The following SIGLEC12 variants were observed in gnomAD, a reference collection of about 807,000 sequenced individuals.
SIGLEC12 encodes the protein sialic acid binding Ig like lectin 12.
Under a neutral mutation model 54.1 loss-of-function variants are expected in SIGLEC12, and 43 were observed. The ratio of observed to expected loss-of-function variants is 0.80; its 90% confidence interval spans 0.62 to 1.03. The LOEUF (loss-of-function observed/expected upper bound fraction) is 1.03, where lower values mean the gene tolerates loss of function less well. SIGLEC12 is among the 50% of genes least tolerant of loss of function. The pLI is 0.00. For synonymous variants in SIGLEC12, 357 were observed against 307.6 expected (o/e 1.16, Z -1.68); for missense variants, 802 against 735.2 (o/e 1.09, Z -1.05).
In SIGLEC12 at chr19:51,496,869, T is replaced by C; in HGVS notation, c.1599+11A>G. ...GCAGGGGAGAAGGGCTGTGATTCAA[T>C]GCTCACTCACCTGAGAGGCTGAGCC... On this transcript the variant is annotated intron_variant, in intron 7 of 7. Transcript: ENST00000291707. 1 of 1,607,132 alleles carries C rather than the reference T, an allele frequency of 6.2e-7. No homozygotes were observed. The highest frequency in any genetic ancestry group is 8.5e-7 in the Non-Finnish European group (1 of 1,173,502).
rs749096095 is a variant in SIGLEC12, at chr19:51,496,990, C to A, written c.1503-14G>T. 1 of 1,612,780 alleles carries A rather than the reference C, an allele frequency of 6.2e-7. No homozygotes were observed. The highest frequency in any genetic ancestry group is 1.1e-5 in the South Asian group (1 of 91,010). On this transcript the variant is annotated splice_polypyrimidine_tract_variant and intron_variant, in intron 6 of 7. Transcript: ENST00000291707. ...CAGGACCTCACTCTGAGTGAAGAGA[C>A]CAGAGAGCCTTTCAGTGTGGTCAGA...
chr19:51,497,977 G>A lies in SIGLEC12; in HGVS notation c.1405+41C>T. The A allele has an allele frequency of 3.1e-6, 5 of 1,608,814 alleles. No homozygotes were observed. The South Asian group carries it at 4.4e-5, about 14-fold the overall frequency. On this transcript the variant is annotated intron_variant, in intron 5 of 7. Coordinates refer to ENST00000291707, the MANE Select transcript of SIGLEC12 (RefSeq NM_053003.4). ...GTCTCCCAGCTGGACCCTGAGGGTG[G>A]GACATGTGTGTTCTCCTCCTCCAGA...
At chr19:51,496,084 A>G (rs1234456251) in intron 7 of SIGLEC12, among the ~76,000 whole-genome samples, 2 of 152,372 alleles carry the variant, frequency 1.3e-5, no homozygotes, top group East Asian at 3.9e-4. Context: ...GCCCTTACCC[A>G]GAGCACAAAA....
chr19:51,500,362 G>A, intron 1 of SIGLEC12, 62 bp from the exon 2 acceptor site: 1 of 1,613,530 alleles, frequency 6.2e-7, no homozygotes, highest in South Asian at 1.1e-5. Flanking sequence ...CCCATAGCAG[G>A]GGCAGCAGCA....
chr19:51,499,977 C>G lies in SIGLEC12; in HGVS notation c.751G>C (p.Glu251Gln). The stretch of plus-strand genomic sequence containing the variant: ...TAGTTCCATTTCCTGCTTCCTCTCT[C>G]CACCTGGAAGTAGTACTTCCCTGAA... ...GDSGKYYFQV[E>Q]RGSRKWNYIY... Residue 251 changes from glutamate (E) to glutamine (Q), a missense_variant, in exon 2 of 8, where the codon GAG becomes CAG. Physicochemically the swap from Glu to Gln is conservative, Grantham distance 29. Transcript: ENST00000291707. 6.2e-7 allele frequency: 1 copy of G among 1,614,140 alleles called. No individual in the cohort carries two copies.
intron 7 of SIGLEC12, 85 bp downstream of exon 7, chr19:51,496,795 G>A (rs1990250504): frequency 6.0e-6 from 9 of 1,493,292 alleles, no homozygotes; most frequent in South Asian, 1.1e-5. Flanking sequence ...GGGGAAGAAA[G>A]GAAGGACAGT....
In SIGLEC12 at chr19:51,498,021, T is replaced by C. The variant is rs1990286095; in HGVS notation, c.1402A>G (p.Thr468Ala). The C allele has an allele frequency of 3.1e-6, 5 of 1,614,210 alleles. No individual in the cohort carries two copies. Among genetic ancestry groups the C allele is most frequent in the Non-Finnish European group, 4.2e-6 (5 of 1,180,014 alleles). ...CTCCAGACCCTCCCCTACCCACCTG[T>C]GTACTCGTTTTGCAGGGAGAGGCTC... ...SLSLSLQNEY[T>A]GKMRPISGVT... The change falls in exon 5 of 8, where the codon ACA (threonine) becomes GCA (alanine). Residue 468 changes from threonine to alanine, a missense_variant. Transcript: ENST00000291707.
Position 51,491,440 on chromosome 19 carries a change from C to T in SIGLEC12, c.*201G>A, listed in dbSNP as rs1351022676. The T allele has an allele frequency of 9.0e-6, 5 of 558,222 alleles. No homozygotes were observed. Among genetic ancestry groups the T allele is most frequent in the Non-Finnish European group, 1.6e-5 (5 of 315,666 alleles). 34.6% of individuals were successfully genotyped at this position (558,222 alleles called of 1,614,324 possible). ...GAAGAGAATGGTGGGTACCAGAGGC[C>T]GGGGGCGGGGAGTGTGGACCGATTG... On this transcript the variant is annotated 3_prime_UTR_variant, in exon 8 of 8. Coordinates refer to ENST00000291707, the MANE Select transcript of SIGLEC12 (RefSeq NM_053003.4).
At chr19:51,494,452 CA>C (rs1480563616) in intron 7 of SIGLEC12, among the ~76,000 whole-genome samples, 3 of 152,104 alleles carry the variant, frequency 2.0e-5, no homozygotes, top group African/African-American at 7.2e-5. Context: ...AAACGAAAAC[CA>C]AAAAGTAACA....
chr19:51,491,787 G>A lies in SIGLEC12; in HGVS notation c.1642C>T (p.His548Tyr). ...ESPADDSPPH[H>Y]APPALATPSP... ...GGGGTGGCCAGGGCTGGCGGAGCAT[G>A]GTGTGGGGGGCTGTCATCTGCCGGG... The change falls in exon 8 of 8, where the codon CAT (histidine) becomes TAT (tyrosine). Residue 548 changes from histidine (H) to tyrosine (Y), a missense_variant. His to Tyr is a moderately conservative substitution (Grantham distance 83, BLOSUM62 2). Coordinates refer to ENST00000291707, the MANE Select transcript of SIGLEC12 (RefSeq NM_053003.4). The A allele has an allele frequency of 6.3e-7, 1 of 1,599,830 alleles. No homozygotes were observed. The highest frequency in any genetic ancestry group is 8.5e-7 in the Non-Finnish European group (1 of 1,173,264).
rs1339199152 is a variant in SIGLEC12 at position 51,501,725 on chromosome 19, C to A, written c.9G>T (p.Leu3=). 6.2e-7 allele frequency: 1 copy of A among 1,604,426 alleles called. No homozygotes were observed. Among genetic ancestry groups the A allele is most frequent in the Non-Finnish European group, 8.5e-7 (1 of 1,173,586 alleles). The change falls in exon 1 of 8, where the codon CTG becomes CTT. Residue 3 remains leucine, a synonymous_variant. Coordinates refer to ENST00000291707, the MANE Select transcript of SIGLEC12 (RefSeq NM_053003.4). ...GCAGGGGTGGCAGCAGTAGCAGCAG[C>A]AGTAGCATGTGTCGGGTTGGAGGTG... is the stretch of plus-strand genomic sequence containing the variant. ML[L]LLLLLPPLLC...
In SIGLEC12 at chr19:51,501,673, G is replaced by C; in HGVS notation, c.61C>G (p.Gln21Glu). The change falls in exon 1 of 8, where the codon CAG becomes GAG. Residue 21 changes from glutamine (Q) to glutamate (E), a missense_variant. By Grantham distance (29) the Gln-to-Glu change is conservative. Coordinates refer to ENST00000291707, the MANE Select transcript of SIGLEC12 (RefSeq NM_053003.4). ...LLCGRVGAKE[Q>E]KDYLLTMQKS... ...TGCATTGTCAGCAGGTAATCCTTCT[G>C]TTCCTTAGCCCCCACTCTCCCACAG... 1.9e-6 allele frequency: 3 copies of C among 1,614,070 alleles called. No homozygotes were observed. Among genetic ancestry groups the C allele is most frequent in the South Asian group, 1.1e-5 (1 of 91,088 alleles).
intron 6 of SIGLEC12, 83 bp from the exon 7 acceptor site, chr19:51,497,059 T>C (rs776312972): frequency 2.2e-4 from 360 of 1,606,132 alleles, no homozygotes; most frequent in Non-Finnish European, 2.8e-4. Context: ...GTATTTCCTA[T>C]TGGGGAGCTG....
chr19:51,500,470 G>A (rs772124794), intron 1 of SIGLEC12, 170 bp from the exon 2 acceptor site: 20 of 1,193,456 alleles, frequency 1.7e-5, no homozygotes, highest in Non-Finnish European at 2.4e-5. Context: ...CTGGAGAGGA[G>A]CTGGAGACCT....
At chr19:51,499,141 C>T (rs1242593837) in intron 4 of SIGLEC12, 29 bp downstream of exon 4, 1 of 1,613,076 alleles carries the variant, frequency 6.2e-7, no homozygotes, top group Non-Finnish European at 8.5e-7. Flanking sequence ...CTCTGCTCCT[C>T]CAGCCCCAGG....
rs1990116031 is a variant in SIGLEC12, at chr19:51,491,970, T to C, written c.1600-141A>G. ...CTGAAATCTCTTTAATACGTTCCTC[T>C]AATGTCTAATACTCAATTATCACCT... On this transcript the variant is annotated intron_variant, in intron 7 of 7. Transcript: ENST00000291707. 5.3e-6 allele frequency: 3 copies of C among 569,266 alleles called. No homozygotes were observed. The South Asian group carries it at 8.2e-5, about 16-fold the overall frequency. 35.3% of individuals were successfully genotyped at this position (569,266 alleles called of 1,614,324 possible). A position where few individuals can be genotyped will look rare whatever the true frequency, so the allele number is the denominator to read the frequency against.
At position 51,501,502 on chromosome 19, in the gene SIGLEC12, T is replaced by G; in HGVS notation, c.232A>C (p.Thr78Pro). Residue 78 changes from threonine to proline, a missense_variant, in exon 1 of 8, where the codon ACA (threonine) becomes CCA (proline). Transcript: ENST00000291707. ...TGCACTGCTCGAGCTGGGTTGTTTG[T>G]GGCCACTGGAATGTTCCGGCTTACA... The part of the protein sequence containing the change: ...DHVSRNIPVA[T>P]NNPARAVQEE... 1 of 1,611,524 alleles carries G rather than the reference T, an allele frequency of 6.2e-7. No homozygotes were observed. The highest frequency in any genetic ancestry group is 1.1e-5 in the South Asian group (1 of 90,892).
Position 51,497,971 on chromosome 19 carries a change from A to G in SIGLEC12, c.1405+47T>C, listed in dbSNP as rs751198717. 3 of 1,601,870 alleles carry G rather than the reference A, an allele frequency of 1.9e-6. No homozygotes were observed. In the African/African-American group the frequency reaches 4.0e-5, roughly 21 times the overall value. On this transcript the variant is annotated intron_variant, in intron 5 of 7. Transcript: ENST00000291707. ...TTCCAGGTCTCCCAGCTGGACCCTG[A>G]GGGTGGGACATGTGTGTTCTCCTCC...
At chr19:51,492,319 A>G (rs1990126974) in intron 7 of SIGLEC12, among the ~76,000 whole-genome samples, 1 of 152,186 alleles carries the variant, frequency 6.6e-6, no homozygotes, top group African/African-American at 2.4e-5. Flanking sequence ...ATGAATATCT[A>G]TGTGTGAATT....
Sources: gnomAD v4.1 joint callset for allele counts (sites outside exome capture counted in the v4.1 genomes callset) on GRCh38, gnomAD v4.1.1 for gene constraint, MANE v1.5 for transcripts, NCBI Gene and HGNC (gene_info 2026-07-23, HGNC 2026-07-21) for gene names.